SGCA: variants seen among roughly 807,000 people sequenced by gnomAD.
SGCA encodes alpha-sarcoglycan.
In SGCA, 34 loss-of-function variants were observed where a neutral mutation model predicts 38.1. That is an observed-to-expected ratio of 0.89 (90% CI 0.68 to 1.19). The LOEUF (loss-of-function observed/expected upper bound fraction) is 1.19. Ranked by LOEUF, SGCA falls within the 50% of genes most tolerant of loss-of-function variation. The pLI, the probability that SGCA is intolerant of heterozygous loss-of-function variation, is 0.00. For missense variants in SGCA, 476 were observed against 524.9 expected, an observed-to-expected ratio of 0.91 and a Z score of 0.91; for synonymous variants, 209 against 214.6, an observed-to-expected ratio of 0.97 and a Z score of 0.23.
At position 50,173,171 on chromosome 17, in the gene SGCA, C is replaced by T. The variant is rs138734924; in HGVS notation, c.984-2086C>T. ...TTAGCCTTGGCTGGTTTGGATTTCA[C>T]GTTGATGTATTTCTACAAAATCCAA... is the stretch of plus-strand genomic sequence containing the variant. On this transcript the variant is annotated intron_variant, in intron 8 of 9. Coordinates refer to ENST00000262018, the MANE Select transcript of SGCA (RefSeq NM_000023.4). Among the ~76,000 whole-genome samples the T allele has an allele frequency of 3.5e-4, 53 of 152,312 alleles. No individual in the cohort carries two copies. In the East Asian group the frequency reaches 9.2e-3, roughly 27 times the overall value.
In SGCA at chr17:50,167,951, C is replaced by T. The variant is rs1567739743; in HGVS notation, c.317C>T (p.Thr106Ile). 6.2e-7 allele frequency: 1 copy of T among 1,614,150 alleles called. No individual in the cohort carries two copies. Among genetic ancestry groups the T allele is most frequent in the Admixed American group, 1.7e-5 (1 of 60,032 alleles). ...GATGTCTTTCCCATCCCCCAGGTCA[C>T]AGCCTACAATCGGGACAGCTTTGAT... ...EDRGLQVIEV[T>I]AYNRDSFDTT... is the part of the protein sequence containing the mutation. The change falls in exon 4 of 10, where the codon ACA (threonine) becomes ATA (isoleucine). Residue 106 changes from threonine to isoleucine, a missense_variant. Thr to Ile is a moderately conservative substitution (Grantham distance 89, BLOSUM62 -1). Coordinates refer to ENST00000262018, the MANE Select transcript of SGCA (RefSeq NM_000023.4). This position sits in a 1 kb window ranked among gnomAD's most constrained non-coding sequence, Gnocchi z 4.5.
intron 8 of SGCA, among the ~76,000 whole-genome samples, chr17:50,173,830 CA>C (rs1905688426): frequency 6.6e-6 from 1 of 152,210 alleles, no homozygotes; most frequent in African/African-American, 2.4e-5. Context: ...GGCCTCCCCG[CA>C]GGAGGAGCAT....
In SGCA at chr17:50,175,706, C is replaced by G; in HGVS notation, c.*13-6C>G. 1.6e-6 allele frequency: 1 copy of G among 643,482 alleles called. No homozygotes were observed. The highest frequency in any genetic ancestry group is 2.9e-6 in the Non-Finnish European group (1 of 347,264). 39.9% of individuals were successfully genotyped at this position (643,482 alleles called of 1,614,324 possible). The stretch of plus-strand genomic sequence containing the variant: ...CCTCTCAGCCCTCCACTCTCTCTTC[C>G]CACAGTGGTTCCAGGTCCAGCCCTG... On this transcript the variant is annotated splice_polypyrimidine_tract_variant and splice_region_variant and intron_variant, in intron 9 of 9. Transcript: ENST00000262018.
intron 8 of SGCA, chr17:50,171,900 G>C (rs1022184370): frequency 2.2e-6 from 1 of 456,822 alleles, no homozygotes; most frequent in African/African-American, 2.0e-5. Context: ...TTCTGGCAGG[G>C]TTTGGCACAG....
intron 8 of SGCA, among the ~76,000 whole-genome samples, chr17:50,173,128 G>A (rs1487914702): frequency 1.3e-5 from 2 of 152,162 alleles, no homozygotes; most frequent in African/African-American, 2.4e-5. Context: ...ATCAATAACC[G>A]TTTTACCATG....
At chr17:50,166,929 A>T (rs114653108) in intron 1 of SGCA, among the ~76,000 whole-genome samples, 3,085 of 58,250 alleles carry the variant, frequency 0.053, 256 homozygotes, top group African/African-American at 0.16. Context: ...ACACACCTTC[A>T]CACACACACA....
intron 6 of SGCA, chr17:50,169,719 G>A: frequency 2.9e-6 from 1 of 341,060 alleles, no homozygotes; most frequent in Non-Finnish European, 5.6e-6. Context: ...CTGAGCTGAG[G>A]TTCACAGGAT....
chr17:50,170,346 G>C lies in SGCA; in HGVS notation c.951G>C (p.Glu317Asp), dbSNP rs759159622. 1 of 1,613,404 alleles carries C rather than the reference G, an allele frequency of 6.2e-7. No homozygotes were observed. Among genetic ancestry groups the C allele is most frequent in the East Asian group, 2.2e-5 (1 of 44,876 alleles). The change falls in exon 7 of 10, where the codon GAG becomes GAC. Residue 317 changes from glutamate (E) to aspartate (D), a missense_variant. By Grantham distance (45) the Glu-to-Asp change is conservative. Transcript: ENST00000262018. ...LLAYVMCCRR[E>D]GRLKRDLATS... Reference sequence around the variant, plus strand: ...CCTATGTCATGTGCTGCCGGCGGGAGGGAAGGTGAATGTGGGCATGAAGGG... The same window carrying C: ...CCTATGTCATGTGCTGCCGGCGGGACGGAAGGTGAATGTGGGCATGAAGGG...
Position 50,167,482 on chromosome 17 carries a change from A to T in SGCA, c.152A>T (p.His51Leu), listed in dbSNP as rs1444419358. The T allele has an allele frequency of 1.9e-6, 3 of 1,614,014 alleles. No individual in the cohort carries two copies. Among genetic ancestry groups the T allele is most frequent in the African/African-American group, 1.3e-5 (1 of 74,910 alleles). Reference sequence around the variant, plus strand: ...GAGACGTTTCTGAGCCTTCCTGAGCATGTCGGTGAGCGGCCTGACAGGCAC... The same window carrying T: ...GAGACGTTTCTGAGCCTTCCTGAGCTTGTCGGTGAGCGGCCTGACAGGCAC... ...DHETFLSLPEHVAVPPAVHIT... is the reference protein window; with the variant it reads ...DHETFLSLPELVAVPPAVHIT... The change falls in exon 2 of 10, where the codon CAT becomes CTT. Residue 51 changes from histidine (H) to leucine (L), a missense_variant. By Grantham distance (99) the His-to-Leu change is moderately conservative. Coordinates refer to ENST00000262018, the MANE Select transcript of SGCA (RefSeq NM_000023.4). This position sits in a 1 kb window ranked among gnomAD's most constrained non-coding sequence, Gnocchi z 4.5.
chr17:50,169,254 G>C lies in SGCA; in HGVS notation c.747G>C (p.Leu249=). 1 of 1,609,706 alleles carries C rather than the reference G, an allele frequency of 6.2e-7. No homozygotes were observed. The highest frequency in any genetic ancestry group is 8.5e-7 in the Non-Finnish European group (1 of 1,176,492). The stretch of plus-strand genomic sequence containing the variant: ...GCGTTGACTGGTGCAATGTGACCCT[G>C]GTGAGGAGGGACCCTGGGTCCGGGG... ...HFRVDWCNVT[L]VDKSVPEPAD... Residue 249 remains leucine, a splice_region_variant and synonymous_variant, in exon 6 of 10, where the codon CTG becomes CTC. Coordinates refer to ENST00000262018, the MANE Select transcript of SGCA (RefSeq NM_000023.4).
In SGCA at chr17:50,169,861, A is replaced by G. The variant is rs189746381; in HGVS notation, c.748-282A>G. The G allele has an allele frequency of 6.2e-4, 338 of 545,108 alleles. 2 individuals are homozygous for G. Among genetic ancestry groups the G allele is most frequent in the Middle Eastern group, 6.0e-3 (12 of 2,008 alleles). The allele number at this position is 545,108 out of a possible 1,614,324, so 33.8% of individuals were successfully genotyped here. A position where few individuals can be genotyped will look rare whatever the true frequency, so the allele number is the denominator to read the frequency against. ...ATGTGCTTGGCACTGTCCCATCAACATATTTTATGCTCACCACCACTCCAG... is the reference window on the plus strand; with the variant it reads ...ATGTGCTTGGCACTGTCCCATCAACGTATTTTATGCTCACCACCACTCCAG... On this transcript the variant is annotated intron_variant, in intron 6 of 9. Coordinates refer to ENST00000262018, the MANE Select transcript of SGCA (RefSeq NM_000023.4).
At chr17:50,171,762 A>G in intron 8 of SGCA, 1 of 456,806 alleles carries the variant, frequency 2.2e-6, no homozygotes, top group Non-Finnish European at 4.4e-6. Context: ...ACACGCTTGA[A>G]GTGATAGGCA....
At chr17:50,166,927 TCACA>T (rs111636387) in intron 1 of SGCA, among the ~76,000 whole-genome samples, 1 of 41,930 alleles carries the variant, frequency 2.4e-5, no homozygotes, top group Non-Finnish European at 4.2e-5. Flanking sequence ...ACACACACCT[TCACA>T]CACACACACC....
chr17:50,171,730 C>G (rs1905419929), intron 8 of SGCA: 1 of 456,706 alleles, frequency 2.2e-6, no homozygotes, highest in African/African-American at 2.0e-5. Context: ...CTGCTGAGCC[C>G]TTGTCCACCA....
chr17:50,169,412 G>GACACAC, intron 6 of SGCA, 158 bp downstream of exon 6: 1 of 329,284 alleles, frequency 3.0e-6, no homozygotes, highest in South Asian at 3.1e-5. Flanking sequence ...TTAGTCTGAG[G>GACACAC]ATACACACAC....
chr17:50,168,577 G>A lies in SGCA; in HGVS notation c.584+5G>A. 2 of 1,558,442 alleles carry A rather than the reference G, an allele frequency of 1.3e-6. No homozygotes were observed. The highest frequency in any genetic ancestry group is 1.7e-6 in the Non-Finnish European group (2 of 1,150,098). On this transcript the variant is annotated splice_donor_5th_base_variant and intron_variant, in intron 5 of 9. Transcript: ENST00000262018. ...CATTGAGGGCCGAAAAGAAGGGTAG[G>A]TGTGCAACCCTAGAGGACTTCCTGA...
Position 50,168,143 on chromosome 17 carries a change from T to G in SGCA, c.385+124T>G. 4 of 961,476 alleles carry G rather than the reference T, an allele frequency of 4.2e-6. No individual in the cohort carries two copies. In the South Asian group the frequency reaches 5.3e-5, roughly 13 times the overall value. The allele number at this position is 961,476 out of a possible 1,614,324, so 59.6% of individuals were successfully genotyped here. A position where few individuals can be genotyped will look rare whatever the true frequency, so the allele number is the denominator to read the frequency against. On this transcript the variant is annotated intron_variant, in intron 4 of 9. Transcript: ENST00000262018. The stretch of plus-strand genomic sequence containing the variant: ...GAGTGGAGCAGGGCATCCTGGAAAG[T>G]GGGGACAAGGCTCTCAGGGAATGGG...
intron 8 of SGCA, chr17:50,172,431 C>T (rs1002158074): frequency 7.5e-5 from 30 of 399,326 alleles, no homozygotes; most frequent in African/African-American, 3.9e-4. Context: ...CGGGCCTGCA[C>T]GGTGCGTGCA....
intron 8 of SGCA, among the ~76,000 whole-genome samples, chr17:50,174,777 G>A (rs1905785740): frequency 6.6e-6 from 1 of 152,016 alleles, no homozygotes; most frequent in African/African-American, 2.4e-5. Context: ...TTGACCACTG[G>A]GCACTGAGCA....
Sources: allele counts gnomAD v4.1 joint callset (sites outside exome capture counted in the v4.1 genomes callset), GRCh38; gene constraint gnomAD v4.1.1; non-coding constraint Gnocchi (gnomAD v3.1); transcripts MANE v1.5; gene names NCBI Gene and HGNC (gene_info 2026-07-23, HGNC 2026-07-21).